The following ROBO2 variants were observed in gnomAD, a reference collection of about 807,000 sequenced individuals.
ROBO2 encodes the protein roundabout homolog 2.
A neutral mutation model predicts 160.8 loss-of-function variants in ROBO2; 53 were observed. The ratio of observed to expected loss-of-function variants is 0.33; its 90% confidence interval spans 0.26 to 0.41. The LOEUF (loss-of-function observed/expected upper bound fraction) is 0.41. ROBO2 is among the 10% of genes least tolerant of loss of function. ROBO2 has a pLI of 1.00. For synonymous variants in ROBO2, 664 were observed against 611.7 expected, an observed-to-expected ratio of 1.09 and a Z score of -1.26; for missense variants, 1,577 against 1,722.4, an observed-to-expected ratio of 0.92 and a Z score of 1.49.
intron 2 of ROBO2, among the ~76,000 whole-genome samples, chr3:76,176,440 T>A (rs1356261440): frequency 6.6e-6 from 1 of 152,114 alleles, no homozygotes; most frequent in East Asian, 1.9e-4. Flanking sequence ...GTCATGAATA[T>A]TACAGTAGCA....
rs973028205 is a variant in ROBO2, at chr3:76,058,504, C to T, written c.109+120902C>T. Among the ~76,000 whole-genome samples, 29 of 150,468 alleles carry T rather than the reference C, an allele frequency of 1.9e-4. No individual in the cohort carries two copies. The South Asian group carries it at 2.8e-3, about 14-fold the overall frequency. On this transcript the variant is annotated intron_variant, in intron 2 of 26. Transcript: ENST00000487694. ...TAGTGTATAGTTATAAAACTCATTGCGACCTAATTGATGAAATAGGTAGAG... is the reference window on the plus strand; with the variant it reads ...TAGTGTATAGTTATAAAACTCATTGTGACCTAATTGATGAAATAGGTAGAG...
intron 2 of ROBO2, among the ~76,000 whole-genome samples, chr3:76,018,116 T>C (rs116779040): frequency 0.012 from 1,777 of 152,054 alleles, 29 homozygotes; most frequent in African/African-American, 0.04. Context: ...AAATGGGGGA[T>C]AGATGGATAA....
chr3:77,097,055 C>T (rs769765832), intron 1 of ROBO2, among the ~76,000 whole-genome samples: 3 of 152,160 alleles, frequency 2.0e-5, no homozygotes, highest in Non-Finnish European at 4.4e-5. Context: ...CATGTCACTG[C>T]CCCCTTAAAA....
exon 8 of ROBO2, chr3:77,550,985 T>C (rs754566320): frequency 1.3e-5 from 21 of 1,612,624 alleles, no homozygotes; most frequent in Non-Finnish European, 1.6e-5. Context: ...TGGAGGTTAC[T>C]GATGGTGCGA....
chr3:76,521,826 G>C (rs1442656378), intron 2 of ROBO2, among the ~76,000 whole-genome samples: 1 of 151,848 alleles, frequency 6.6e-6, no homozygotes, highest in Non-Finnish European at 1.5e-5. Context: ...TTATAAATAT[G>C]GTATTTGTAT....
chr3:76,141,272 C>T (rs1472456746), intron 2 of ROBO2, among the ~76,000 whole-genome samples: 1 of 140,906 alleles, frequency 7.1e-6, no homozygotes. Context: ...ATGGAAGAAG[C>T]GATAGCCAAT....
At chr3:77,231,076 CCTT>C (rs34343806) in intron 2 of ROBO2, among the ~76,000 whole-genome samples, 7,421 of 152,064 alleles carry the variant, frequency 0.049, 269 homozygotes, top group African/African-American at 0.098. Flanking sequence ...AGTTAAGAAT[CCTT>C]CTAGGCCCAT....
chr3:77,463,780 C>T (rs2082483701), intron 2 of ROBO2, among the ~76,000 whole-genome samples: 1 of 151,994 alleles, frequency 6.6e-6, no homozygotes, highest in African/African-American at 2.4e-5. Flanking sequence ...GGGGTTTCAC[C>T]ATGTTGCCCA....
chr3:76,341,930 T>C (rs1184605559), intron 2 of ROBO2, among the ~76,000 whole-genome samples: 91 of 152,180 alleles, frequency 6.0e-4, no homozygotes, highest in Non-Finnish European at 1.6e-4. Context: ...TCCAGGTGAA[T>C]AACAATTTCC....
intron 2 of ROBO2, among the ~76,000 whole-genome samples, chr3:76,122,823 C>A (rs1469091983): frequency 1.3e-5 from 2 of 152,008 alleles, no homozygotes; most frequent in East Asian, 1.9e-4. Context: ...AATAAAAATA[C>A]CCTTCTTCAA....
chr3:76,906,210 C>T (rs2075591893), intron 2 of ROBO2, among the ~76,000 whole-genome samples: 1 of 151,822 alleles, frequency 6.6e-6, no homozygotes, highest in Admixed American at 6.6e-5. Flanking sequence ...CAGAAATAAA[C>T]TTTTTCTTTT....
chr3:76,495,658 C>A (rs562659377), intron 2 of ROBO2, among the ~76,000 whole-genome samples: 9 of 151,894 alleles, frequency 5.9e-5, no homozygotes, highest in African/African-American at 2.2e-4. Flanking sequence ...ATGGAAGAAA[C>A]ATGGACAACA....
At chr3:76,869,014 C>G (rs1329684257) in intron 2 of ROBO2, among the ~76,000 whole-genome samples, 2 of 152,076 alleles carry the variant, frequency 1.3e-5, no homozygotes, top group African/African-American at 4.8e-5. Context: ...TATTAAACAT[C>G]ATTCTGTGCA....
chr3:76,091,140 T>C (rs2069214609), intron 2 of ROBO2, among the ~76,000 whole-genome samples: 1 of 152,142 alleles, frequency 6.6e-6, no homozygotes, highest in Non-Finnish European at 1.5e-5. Context: ...ACAGCCACCA[T>C]GAAGAGGAGA....
rs374169114 is a variant in ROBO2, at chr3:77,040,833, T to C, written c.48T>C (p.Tyr16=). Reference sequence around the variant, plus strand: ...AACTACTGCTCTGTGGATTTTTATATGTTCGGGTTGATGGTAAGTTAAAAA... The same window carrying C: ...AACTACTGCTCTGTGGATTTTTATACGTTCGGGTTGATGGTAAGTTAAAAA... The change falls in exon 1 of 26, where the codon TAT becomes TAC. Residue 16 remains tyrosine (Y), a synonymous_variant. Transcript: ENST00000461745. 3.7e-6 allele frequency: 6 copies of C among 1,614,076 alleles called. No individual in the cohort carries two copies. The African/African-American group carries it at 8.0e-5, about 22-fold the overall frequency.
intron 16 of ROBO2, among the ~76,000 whole-genome samples, chr3:77,583,746 A>G (rs1053400260): frequency 3.3e-5 from 5 of 152,086 alleles, no homozygotes; most frequent in Non-Finnish European, 5.9e-5. Context: ...ATTTTTTACT[A>G]TACTGAACAT....
intron 2 of ROBO2, among the ~76,000 whole-genome samples, chr3:76,255,662 GA>G (rs544240322): frequency 2.4e-3 from 368 of 152,042 alleles, no homozygotes; most frequent in Middle Eastern, 6.8e-3. Flanking sequence ...ATAATAATGA[GA>G]AATGGTTTAT....
intron 2 of ROBO2, among the ~76,000 whole-genome samples, chr3:76,837,602 A>C (rs890801518): frequency 6.6e-6 from 1 of 151,304 alleles, no homozygotes; most frequent in African/African-American, 2.4e-5. Context: ...TCACAATGTG[A>C]CATTTTATTA....
At chr3:76,127,780 A>G (rs549431332) in intron 2 of ROBO2, among the ~76,000 whole-genome samples, 7 of 152,196 alleles carry the variant, frequency 4.6e-5, no homozygotes, top group African/African-American at 1.7e-4. Flanking sequence ...ACTTTATTAC[A>G]TCAATAAGAA....
Sources: allele counts gnomAD v4.1 joint callset (sites outside exome capture counted in the v4.1 genomes callset), GRCh38; gene constraint gnomAD v4.1.1; transcripts MANE v1.5; gene names NCBI Gene and HGNC (gene_info 2026-07-23, HGNC 2026-07-21).